TRIM37: variants seen among roughly 807,000 people sequenced by gnomAD.
The protein encoded by TRIM37 is E3 ubiquitin-protein ligase TRIM37.
Under a neutral mutation model 129.8 loss-of-function variants are expected in TRIM37, and 80 were observed. That is an observed-to-expected ratio of 0.62 (90% CI 0.51 to 0.74). The LOEUF (loss-of-function observed/expected upper bound fraction) is 0.74. TRIM37 is among the 30% of genes least tolerant of loss of function. TRIM37 has a pLI of 0.00. For synonymous variants in TRIM37, 389 were observed against 387.1 expected (o/e 1.00, Z -0.06); for missense variants, 1,054 against 1,176.5 (o/e 0.90, Z 1.52).
intron 2 of TRIM37, among the ~76,000 whole-genome samples, chr17:59,101,691 TATATACAC>T (rs1214758540): frequency 2.3e-5 from 3 of 131,096 alleles, no homozygotes; most frequent in East Asian, 2.1e-4. Flanking sequence ...TATATATATA[TATATACAC>T]ACACACACAC....
At chr17:58,979,269 G>C (rs966215689), downstream of TRIM37, among the ~76,000 whole-genome samples, 2 of 152,140 alleles carry the variant, frequency 1.3e-5, no homozygotes, top group African/African-American at 4.8e-5. Flanking sequence ...CATACATTTT[G>C]TCTGTTCTCT....
chr17:59,010,034 T>C (rs2035060771), intron 22 of TRIM37, among the ~76,000 whole-genome samples: 1 of 152,202 alleles, frequency 6.6e-6, no homozygotes, highest in South Asian at 2.1e-4. Context: ...GGTTTTCAAC[T>C]GCTCTCCTTG....
At chr17:58,992,083 A>C (rs2032465708) in intron 24 of TRIM37, among the ~76,000 whole-genome samples, 1 of 151,784 alleles carries the variant, frequency 6.6e-6, no homozygotes, top group Non-Finnish European at 1.5e-5. Flanking sequence ...AATTGACTAG[A>C]ACAACTCACA....
At chr17:59,020,765 T>C (rs1008323673) in intron 19 of TRIM37, among the ~76,000 whole-genome samples, 1 of 152,064 alleles carries the variant, frequency 6.6e-6, no homozygotes, top group Non-Finnish European at 1.5e-5. Context: ...AAATCAAAAC[T>C]ACAATAAGAT....
At chr17:59,105,493 G>A (rs943072807) in intron 1 of TRIM37, among the ~76,000 whole-genome samples, 3 of 152,098 alleles carry the variant, frequency 2.0e-5, no homozygotes, top group African/African-American at 7.2e-5. Flanking sequence ...CAAGAAAAAG[G>A]ATACAATTAA....
chr17:59,042,627 G>T (rs976639200), intron 16 of TRIM37, among the ~76,000 whole-genome samples: 1 of 151,268 alleles, frequency 6.6e-6, no homozygotes, highest in South Asian at 2.1e-4. Context: ...GCTGGGCGTT[G>T]TGGTGGGGAC....
At chr17:59,063,918 CTGAGG>C (rs2041714278) in intron 10 of TRIM37, among the ~76,000 whole-genome samples, 1 of 152,154 alleles carries the variant, frequency 6.6e-6, no homozygotes, top group Non-Finnish European at 1.5e-5. Context: ...CTTTGGGAGG[CTGAGG>C]TGGGAGAATT....
At chr17:58,988,556 C>A (rs1426612928) in intron 24 of TRIM37, among the ~76,000 whole-genome samples, 1 of 152,016 alleles carries the variant, frequency 6.6e-6, no homozygotes, top group African/African-American at 2.4e-5. Context: ...TAAACAGAGA[C>A]CCTCCCAAAC....
At chr17:59,046,845 A>G (rs1734084688) in intron 16 of TRIM37, among the ~76,000 whole-genome samples, 1 of 150,846 alleles carries the variant, frequency 6.6e-6, no homozygotes, top group Admixed American at 6.6e-5. Context: ...CAGCCGAAAA[A>G]CAAATTTTTA....
At chr17:59,095,477 A>C (rs2044762774) in intron 2 of TRIM37, among the ~76,000 whole-genome samples, 1 of 152,192 alleles carries the variant, frequency 6.6e-6, no homozygotes, top group Non-Finnish European at 1.5e-5. Flanking sequence ...GCAAGGTTGC[A>C]GGGAAATGGA....
chr17:59,064,993 G>A (rs1412901432), intron 9 of TRIM37, among the ~76,000 whole-genome samples: 3 of 152,180 alleles, frequency 2.0e-5, no homozygotes, highest in East Asian at 1.9e-4. Context: ...GGAGGTTGCG[G>A]TGAATCAAGA....
At chr17:59,041,788 G>C (rs760474211) in intron 17 of TRIM37, 25 bp downstream of exon 17, 2 of 1,560,718 alleles carry the variant, frequency 1.3e-6, no homozygotes, top group African/African-American at 2.7e-5. Context: ...AGAATGGCTT[G>C]GAGGCAGTGG....
At chr17:59,024,397 T>A (rs939140937) in intron 19 of TRIM37, among the ~76,000 whole-genome samples, 1 of 152,074 alleles carries the variant, frequency 6.6e-6, no homozygotes, top group Non-Finnish European at 1.5e-5. Flanking sequence ...AAGACATATA[T>A]AGAACTTATA....
downstream of TRIM37, among the ~76,000 whole-genome samples, chr17:58,978,370 A>T (rs528876459): frequency 6.6e-6 from 1 of 152,256 alleles, no homozygotes; most frequent in African/African-American, 2.4e-5. Flanking sequence ...TCTAGGAATT[A>T]TTGCTCAGTA....
At chr17:58,984,610 G>GTGA (rs2031625063) in intron 24 of TRIM37, 2 of 152,486 alleles carry the variant, frequency 1.3e-5, no homozygotes, top group African/African-American at 2.4e-5. Flanking sequence ...TGAAAATCAC[G>GTGA]TGATGTTAAA....
At chr17:58,988,080 A>G (rs2031985002) in intron 24 of TRIM37, among the ~76,000 whole-genome samples, 1 of 152,224 alleles carries the variant, frequency 6.6e-6, no homozygotes, top group Non-Finnish European at 1.5e-5. Context: ...GCAAGGGGAG[A>G]GAAGACATTA....
rs1168580173 is a variant in TRIM37, at chr17:59,022,664, G to C, written c.2258-5240C>G. Among the ~76,000 whole-genome samples the C allele has an allele frequency of 2.6e-5, 4 of 152,156 alleles. No homozygotes were observed. The East Asian group carries it at 7.7e-4, about 29-fold the overall frequency. ...CAATGCATGTGACTTAGAATAGTTA[G>C]AATAATGTCTGGCACACAGTTAACA... On this transcript the variant is annotated intron_variant, in intron 19 of 23. Transcript: ENST00000262294.
chr17:59,034,180 T>C lies in TRIM37; in HGVS notation c.1754-2090A>G, dbSNP rs1198132408. On this transcript the variant is annotated intron_variant, in intron 17 of 23. Transcript: ENST00000262294. ...AAGCTACTCAGATCGTTCTTATGTA[T>C]AGTTAAGTCCAGTAGCCCAGTGAAT... Among the ~76,000 whole-genome samples, 6 of 152,090 alleles carry C rather than the reference T, an allele frequency of 3.9e-5. No homozygotes were observed. The East Asian group carries it at 5.9e-4, about 15-fold the overall frequency.
intron 16 of TRIM37, among the ~76,000 whole-genome samples, chr17:59,042,982 A>G (rs2039419825): frequency 6.6e-6 from 1 of 152,176 alleles, no homozygotes; most frequent in African/African-American, 2.4e-5. Flanking sequence ...GCTTAATGGC[A>G]ATAAGCTTAA....
Sources: gnomAD v4.1 joint callset for allele counts (sites outside exome capture counted in the v4.1 genomes callset) on GRCh38, gnomAD v4.1.1 for gene constraint, MANE v1.5 for transcripts, NCBI Gene and HGNC (gene_info 2026-07-23, HGNC 2026-07-21) for gene names.